The following KLHL1 variants were observed in gnomAD, a reference collection of about 807,000 sequenced individuals.
KLHL1 encodes kelch-like protein 1.
KLHL1 carries 47 observed loss-of-function variants against 77.7 expected under a neutral mutation model. That is an observed-to-expected ratio of 0.60 (90% CI 0.48 to 0.77). The LOEUF is 0.77. KLHL1 is among the 30% of genes least tolerant of loss of function. The pLI, the probability that KLHL1 is intolerant of heterozygous loss-of-function variation, is 0.00. For missense variants in KLHL1, 925 were observed against 910.8 expected (o/e 1.02, Z -0.20); for synonymous variants, 360 against 325.2 (o/e 1.11, Z -1.15).
intron 5 of KLHL1, among the ~76,000 whole-genome samples, chr13:69,852,570 G>C (rs910517602): frequency 4.6e-5 from 7 of 151,884 alleles, no homozygotes; most frequent in Non-Finnish European, 1.5e-5. Context: ...TCAGCATTTT[G>C]CTTCCTCATT....
chr13:69,932,730 G>GT (rs1279044967), intron 4 of KLHL1, among the ~76,000 whole-genome samples: 1 of 151,692 alleles, frequency 6.6e-6, no homozygotes, highest in Non-Finnish European at 1.5e-5. Context: ...ATATCTTAAT[G>GT]TTTTAGAAAT....
chr13:69,809,016 T>A (rs1347679627), intron 6 of KLHL1, among the ~76,000 whole-genome samples: 1 of 151,656 alleles, frequency 6.6e-6, no homozygotes, highest in African/African-American at 2.4e-5. Context: ...AAAAATAAAG[T>A]AAAAGAATTT....
chr13:69,992,122 C>T (rs1885042848), intron 1 of KLHL1, among the ~76,000 whole-genome samples: 1 of 151,880 alleles, frequency 6.6e-6, no homozygotes, highest in Admixed American at 6.6e-5. Flanking sequence ...TGGCCAGAAA[C>T]TTCGAAATCT....
At chr13:70,059,254 G>C (rs1044830729) in intron 1 of KLHL1, among the ~76,000 whole-genome samples, 1 of 151,880 alleles carries the variant, frequency 6.6e-6, no homozygotes, top group Non-Finnish European at 1.5e-5. Context: ...TGCCTACTGG[G>C]TTCAAATGAT....
At chr13:69,877,281 A>G (rs1880806101) in intron 5 of KLHL1, among the ~76,000 whole-genome samples, 1 of 152,204 alleles carries the variant, frequency 6.6e-6, no homozygotes, top group Non-Finnish European at 1.5e-5. Flanking sequence ...CATACATAGT[A>G]AATATTTAAG....
chr13:69,730,555 T>C lies in KLHL1; in HGVS notation c.1802+9839A>G, dbSNP rs114636133. Among the ~76,000 whole-genome samples, 315 of 152,108 alleles carry C rather than the reference T, an allele frequency of 2.1e-3. 1 individual carries two copies. The highest frequency in any genetic ancestry group is 7.3e-3 in the African/African-American group (304 of 41,444). On this transcript the variant is annotated intron_variant, in intron 8 of 10. Coordinates refer to ENST00000377844, the MANE Select transcript of KLHL1 (RefSeq NM_020866.3). ...ATCCTCTATTAGAATTATAAAAATTTACATCCAAGAGAACATCCATTCCTT... is the reference window on the plus strand; with the variant it reads ...ATCCTCTATTAGAATTATAAAAATTCACATCCAAGAGAACATCCATTCCTT...
chr13:69,727,327 A>G (rs188851326), intron 8 of KLHL1, among the ~76,000 whole-genome samples: 313 of 152,286 alleles, frequency 2.1e-3, no homozygotes, highest in African/African-American at 6.5e-3. Context: ...TTGTTTATCA[A>G]TCTAGAGAGT....
At chr13:70,076,657 T>C (rs1480850169) in intron 1 of KLHL1, among the ~76,000 whole-genome samples, 2 of 151,806 alleles carry the variant, frequency 1.3e-5, no homozygotes, top group African/African-American at 4.8e-5. Flanking sequence ...TGGACTTAAT[T>C]AAAATTAAAA....
intron 2 of KLHL1, among the ~76,000 whole-genome samples, chr13:69,971,277 T>A (rs539416558): frequency 6.6e-6 from 1 of 152,192 alleles, no homozygotes; most frequent in Non-Finnish European, 1.5e-5. Flanking sequence ...TGGAACATAA[T>A]CAATGCAGTG....
intron 4 of KLHL1, among the ~76,000 whole-genome samples, chr13:69,902,539 A>C (rs1881902636): frequency 6.6e-6 from 1 of 152,192 alleles, no homozygotes; most frequent in African/African-American, 2.4e-5. Flanking sequence ...GGATTAAGAA[A>C]ATGTGGCATA....
rs145328938 is a variant in KLHL1 at position 70,107,222 on chromosome 13, C to T, written c.478G>A (p.Gly160Ser). ...VEPDNSSQAT[G>S]EGCGHRLSST... ...CTGTACCTGTGTCCACATCCTTCAC[C>T]TGTTGCCTGGCTAGAGTTGTCTGGC... Residue 160 changes from glycine (G) to serine (S), a missense_variant, in exon 1 of 11, where the codon GGT becomes AGT. Coordinates refer to ENST00000377844, the MANE Select transcript of KLHL1 (RefSeq NM_020866.3). 1.6e-4 allele frequency: 258 copies of T among 1,611,650 alleles called. 1 individual carries two copies. In the African/African-American group the frequency reaches 3.0e-3, roughly 19 times the overall value.
chr13:69,869,176 A>G (rs932906168), intron 5 of KLHL1, among the ~76,000 whole-genome samples: 1 of 152,156 alleles, frequency 6.6e-6, no homozygotes, highest in South Asian at 2.1e-4. Context: ...ATTCTACCTG[A>G]GGAAGTTAAG....
intron 6 of KLHL1, among the ~76,000 whole-genome samples, chr13:69,806,061 A>G (rs1256021417): frequency 1.3e-5 from 2 of 152,312 alleles, no homozygotes; most frequent in South Asian, 2.1e-4. Flanking sequence ...GCCAGAAATA[A>G]CCCTAATACA....
intron 1 of KLHL1, among the ~76,000 whole-genome samples, chr13:70,009,614 T>G (rs1481563372): frequency 6.6e-6 from 1 of 152,142 alleles, no homozygotes; most frequent in Non-Finnish European, 1.5e-5. Flanking sequence ...AGTATGGACG[T>G]TGAAATATTG....
rs1566304585 is a variant in KLHL1, at chr13:69,833,770, T to TATATATATATAC, written c.1414+5205_1414+5206insGTATATATATAT. 1.0e-3 allele frequency among the ~76,000 whole-genome samples: 143 copies of TATATATATATAC among 140,772 alleles called. 1 individual carries two copies. Among genetic ancestry groups the TATATATATATAC allele is most frequent in the African/African-American group, 3.9e-3 (134 of 34,798 alleles). 92.4% of individuals were successfully genotyped at this position (140,772 alleles called of 152,430 possible). The stretch of plus-strand genomic sequence containing the variant: ...TGGTATATATATATATATATATACA[T>TATATATATATAC]ACATACATACATATATACTTGTTGT... On this transcript the variant is annotated intron_variant, in intron 6 of 10. Transcript: ENST00000377844.
At chr13:70,014,384 G>A (rs990545940) in intron 1 of KLHL1, among the ~76,000 whole-genome samples, 3 of 152,090 alleles carry the variant, frequency 2.0e-5, no homozygotes, top group Non-Finnish European at 2.9e-5. Flanking sequence ...ATACATTTAT[G>A]TGGCTATACA....
chr13:70,036,481 T>G (rs1008406469), intron 1 of KLHL1, among the ~76,000 whole-genome samples: 1 of 151,964 alleles, frequency 6.6e-6, no homozygotes, highest in Non-Finnish European at 1.5e-5. Context: ...TTCCAATCAA[T>G]CAATGCTTTC....
At chr13:69,893,683 G>A (rs1467715722) in intron 4 of KLHL1, among the ~76,000 whole-genome samples, 1 of 152,066 alleles carries the variant, frequency 6.6e-6, no homozygotes, top group Non-Finnish European at 1.5e-5. Context: ...ATAAATGCGT[G>A]GAGCATTAAT....
intron 4 of KLHL1, among the ~76,000 whole-genome samples, chr13:69,900,578 G>C (rs1881818881): frequency 1.3e-5 from 2 of 152,150 alleles, no homozygotes; most frequent in Non-Finnish European, 2.9e-5. Flanking sequence ...TAGTGGAAAG[G>C]GCACTTTTGC....
Sources: allele counts gnomAD v4.1 joint callset (sites outside exome capture counted in the v4.1 genomes callset), GRCh38; gene constraint gnomAD v4.1.1; transcripts MANE v1.5; gene names NCBI Gene and HGNC (gene_info 2026-07-23, HGNC 2026-07-21).